The following ZNF536 variants were observed in gnomAD, a reference collection of about 807,000 sequenced individuals.
ZNF536 encodes zinc finger protein 536.
In ZNF536, 13 loss-of-function variants were observed where a neutral mutation model predicts 84.5. The ratio of observed to expected loss-of-function variants is 0.15; its 90% CI spans 0.10 to 0.24. The LOEUF (loss-of-function observed/expected upper bound fraction) is 0.24. Ranked by LOEUF, ZNF536 falls within the 10% of genes least tolerant of loss-of-function variation. The pLI is 1.00. For synonymous variants in ZNF536, 811 were observed against 742.5 expected, an observed-to-expected ratio of 1.09 and a Z score of -1.50; for missense variants, 1,536 against 1,747.5, an observed-to-expected ratio of 0.88 and a Z score of 2.16.
intron 1 of ZNF536, among the ~76,000 whole-genome samples, chr19:30,662,765 G>C (rs565843023): frequency 6.6e-6 from 1 of 152,140 alleles, no homozygotes; most frequent in East Asian, 1.9e-4. Flanking sequence ...CTGCCCTGAC[G>C]GCCGGTCGGG....
intron 1 of ZNF536, among the ~76,000 whole-genome samples, chr19:30,670,262 C>A (rs959283221): frequency 1.3e-5 from 2 of 152,112 alleles, no homozygotes; most frequent in African/African-American, 4.8e-5. Context: ...CCTCCTGCGC[C>A]GCTTCTCATT....
At chr19:30,513,410 G>A (rs2055500764) in intron 2 of ZNF536, among the ~76,000 whole-genome samples, 1 of 152,196 alleles carries the variant, frequency 6.6e-6, no homozygotes, top group African/African-American at 2.4e-5. Flanking sequence ...TTTCTGGTGG[G>A]ATTTGTATTT....
rs542110836 is a variant in ZNF536 at position 30,229,572 on chromosome 19, G to C, written c.-190+899G>C. On this transcript the variant is annotated intron_variant, in intron 1 of 5. Coordinates refer to the ZNF536 transcript ENST00000585628. Reference sequence around the variant, plus strand: ...CACCCTGAAAGCTGCTGCGGGTGGTGGGGGGGGCTCAGCTTTCAGTCCAGG... The same window carrying C: ...CACCCTGAAAGCTGCTGCGGGTGGTCGGGGGGGCTCAGCTTTCAGTCCAGG... Among the ~76,000 whole-genome samples, 14 of 112,700 alleles carry C rather than the reference G, an allele frequency of 1.2e-4. No individual in the cohort carries two copies. The East Asian group carries it at 4.5e-3, about 36-fold the overall frequency. 73.9% of individuals were successfully genotyped at this position (112,700 alleles called of 152,430 possible).
chr19:30,465,284 C>T (rs920269933), intron 2 of ZNF536, among the ~76,000 whole-genome samples: 3 of 152,178 alleles, frequency 2.0e-5, no homozygotes, highest in Non-Finnish European at 4.4e-5. Context: ...TTCATCTCAC[C>T]TTCACCTCAA....
At chr19:30,311,867 G>A (rs1336882108) in intron 2 of ZNF536, among the ~76,000 whole-genome samples, 3 of 152,074 alleles carry the variant, frequency 2.0e-5, no homozygotes, top group South Asian at 2.1e-4. Context: ...CCAGGAGTTC[G>A]AGACCAGCCT....
At chr19:30,597,639 G>A (rs904031319) in intron 1 of ZNF536, among the ~76,000 whole-genome samples, 4 of 152,160 alleles carry the variant, frequency 2.6e-5, no homozygotes, top group Non-Finnish European at 5.9e-5. Context: ...TTCTAAATTA[G>A]GGATAATAGT....
chr19:30,459,018 G>A (rs1445947171), intron 2 of ZNF536, among the ~76,000 whole-genome samples: 1 of 152,188 alleles, frequency 6.6e-6, no homozygotes, highest in Non-Finnish European at 1.5e-5. Flanking sequence ...GGCCCAGCAA[G>A]GGCTCCTCAG....
chr19:30,455,993 G>C (rs988419024), intron 2 of ZNF536, among the ~76,000 whole-genome samples: 1 of 152,176 alleles, frequency 6.6e-6, no homozygotes, highest in East Asian at 1.9e-4. Flanking sequence ...ACCAGCTAAT[G>C]AGTATTTTCG....
At chr19:30,261,140 T>G (rs1173660602) in intron 1 of ZNF536, among the ~76,000 whole-genome samples, 1 of 149,844 alleles carries the variant, frequency 6.7e-6, no homozygotes, top group Non-Finnish European at 1.5e-5. Context: ...CTACTAAAAA[T>G]ACAAAAAATT....
At chr19:30,429,578 A>G (rs920365671) in intron 1 of ZNF536, among the ~76,000 whole-genome samples, 2 of 151,894 alleles carry the variant, frequency 1.3e-5, no homozygotes, top group African/African-American at 4.8e-5. Context: ...TCTCAAAAAA[A>G]CTCCCAGTCA....
At chr19:30,226,907 T>C (rs1348710797), upstream of ZNF536, among the ~76,000 whole-genome samples, 1 of 151,916 alleles carries the variant, frequency 6.6e-6, no homozygotes, top group Non-Finnish European at 1.5e-5. This position sits in a 1 kb window ranked among gnomAD's most constrained non-coding sequence, Gnocchi z 4.6. Context: ...TAAGCCTTTT[T>C]CTGTTTGCTT....
intron 2 of ZNF536, among the ~76,000 whole-genome samples, chr19:30,516,590 A>G (rs961666522): frequency 1.3e-5 from 2 of 152,164 alleles, no homozygotes; most frequent in African/African-American, 2.4e-5. Context: ...GTCAACCCAC[A>G]TGTGTTCATT....
At chr19:30,353,541 C>T (rs1211784669) in intron 3 of ZNF536, among the ~76,000 whole-genome samples, 3 of 152,038 alleles carry the variant, frequency 2.0e-5, no homozygotes, top group African/African-American at 2.4e-5. Flanking sequence ...CCCCTGGCAC[C>T]GGTGACTTCT....
intron 2 of ZNF536, among the ~76,000 whole-genome samples, chr19:30,488,483 A>C (rs1033823894): frequency 6.6e-6 from 1 of 151,496 alleles, no homozygotes; most frequent in Admixed American, 6.6e-5. Flanking sequence ...CTGAAATGTG[A>C]TTTCTTTCAT....
At chr19:30,674,665 C>A (rs564302231) in intron 1 of ZNF536, among the ~76,000 whole-genome samples, 1 of 152,158 alleles carries the variant, frequency 6.6e-6, no homozygotes, top group South Asian at 2.1e-4. Flanking sequence ...TGCTGCCCAT[C>A]GTGGGTGGAG....
At position 30,700,213 on chromosome 19, in the gene ZNF536, C is replaced by CTTCTTTCTTTCT. The variant is rs60390336; in HGVS notation, c.170-10527_170-10516dup. On this transcript the variant is annotated intron_variant, in intron 1 of 1. Coordinates refer to the ZNF536 transcript ENST00000592773. ...CCTTCTTTCTTTCCTTCTTTCTTTC[C>CTTCTTTCTTTCT]TTCTTTCTTTCTTTCTTTCTTTCTT... Among the ~76,000 whole-genome samples, 301 of 102,660 alleles carry CTTCTTTCTTTCT rather than the reference C, an allele frequency of 2.9e-3. 4 individuals are homozygous for CTTCTTTCTTTCT. Among genetic ancestry groups the CTTCTTTCTTTCT allele is most frequent in the African/African-American group, 6.8e-3 (191 of 28,268 alleles). The allele number at this position is 102,660 out of a possible 152,430, so 67.3% of individuals were successfully genotyped here. A position where few individuals can be genotyped will look rare whatever the true frequency, so the allele number is the denominator to read the frequency against.
In ZNF536 at chr19:30,557,359, A is replaced by G. The variant is rs1310641300; in HGVS notation, c.*195A>G. ...TACAGTATATATAGCAGAGAATCAG[A>G]GGCTAAAAATATTACCCCATATGTT... On this transcript the variant is annotated 3_prime_UTR_variant, in exon 5 of 5. Transcript: ENST00000355537. 2 of 524,464 alleles carry G rather than the reference A, an allele frequency of 3.8e-6. No individual in the cohort carries two copies. The highest frequency in any genetic ancestry group is 6.7e-6 in the Non-Finnish European group (2 of 298,040). The allele number at this position is 524,464 out of a possible 1,614,324, so 32.5% of individuals were successfully genotyped here.
chr19:30,573,215 G>A (rs1253388597), intron 1 of ZNF536, among the ~76,000 whole-genome samples: 1 of 152,206 alleles, frequency 6.6e-6, no homozygotes, highest in Non-Finnish European at 1.5e-5. Context: ...GCCCTGTGTG[G>A]TCAACAGAGC....
intron 1 of ZNF536, among the ~76,000 whole-genome samples, chr19:30,232,865 C>T (rs942134048): frequency 2.0e-5 from 3 of 152,164 alleles, no homozygotes; most frequent in Admixed American, 6.5e-5. Flanking sequence ...GCCAGTAGCA[C>T]CCCCCAGCTA....
Sources: gnomAD v4.1 joint callset for allele counts (sites outside exome capture counted in the v4.1 genomes callset) on GRCh38, gnomAD v4.1.1 for gene constraint, Gnocchi (gnomAD v3.1) non-coding constraint, MANE v1.5 for transcripts, NCBI Gene and HGNC (gene_info 2026-07-23, HGNC 2026-07-21) for gene names.